OSBPL9: variants seen among roughly 807,000 people sequenced by gnomAD.
OSBPL9 encodes the protein oxysterol-binding protein-related protein 9.
In OSBPL9, 40 loss-of-function variants were observed where a neutral mutation model predicts 106.6. That is an observed-to-expected ratio of 0.38 (90% CI 0.29 to 0.49). The LOEUF (loss-of-function observed/expected upper bound fraction) is 0.49. OSBPL9 is among the 20% of genes least tolerant of loss of function. The pLI, the probability that OSBPL9 is intolerant of heterozygous loss-of-function variation, is 0.97. For synonymous variants in OSBPL9, 269 were observed against 295.4 expected, an observed-to-expected ratio of 0.91 and a Z score of 0.92; for missense variants, 609 against 887.2, an observed-to-expected ratio of 0.69 and a Z score of 3.98.
At chr1:51,616,263 G>A (rs759716424), upstream of OSBPL9, among the ~76,000 whole-genome samples, 6 of 152,048 alleles carry the variant, frequency 3.9e-5, no homozygotes, top group Non-Finnish European at 7.3e-5. Flanking sequence ...GGGATAACAG[G>A]TGCGAGCCAC....
Position 51,729,813 on chromosome 1 carries a change from G to T in OSBPL9, c.319-15723G>T. 5 of 1,230,676 alleles carry T rather than the reference G, an allele frequency of 4.1e-6. No homozygotes were observed. The highest frequency in any genetic ancestry group is 5.1e-6 in the Non-Finnish European group (5 of 983,732). 76.2% of individuals were successfully genotyped at this position (1,230,676 alleles called of 1,614,324 possible). A position where few individuals can be genotyped will look rare whatever the true frequency, so the allele number is the denominator to read the frequency against. ...GGAGGGGACGGGAAAGGGGTGGGGG[G>T]TGAAGGGGGTGAAGGGGGTGTCCCG... On this transcript the variant is annotated intron_variant, in intron 4 of 23. Transcript: ENST00000428468. The surrounding 1 kb of genome is among the most constrained non-coding windows in gnomAD (Gnocchi z 5.1).
chr1:51,728,535 T>C (rs1207282668), intron 4 of OSBPL9, among the ~76,000 whole-genome samples: 1 of 152,186 alleles, frequency 6.6e-6, no homozygotes, highest in Non-Finnish European at 1.5e-5. Flanking sequence ...CAGTTTCATT[T>C]ACTGAGACAG....
intron 2 of OSBPL9, among the ~76,000 whole-genome samples, chr1:51,608,134 G>A (rs1386136663): frequency 1.3e-5 from 2 of 152,066 alleles, no homozygotes; most frequent in Non-Finnish European, 2.9e-5. Context: ...TCATATACAA[G>A]TTAAACTCCA....
chr1:51,697,720 A>G (rs1656365339), intron 3 of OSBPL9, among the ~76,000 whole-genome samples: 1 of 151,212 alleles, frequency 6.6e-6, no homozygotes, highest in Non-Finnish European at 1.5e-5. Flanking sequence ...ATTCTTATTC[A>G]AATGTGTATA....
chr1:51,724,251 C>T (rs1662687712), intron 4 of OSBPL9, among the ~76,000 whole-genome samples: 1 of 151,986 alleles, frequency 6.6e-6, no homozygotes, highest in South Asian at 2.1e-4. Context: ...TGATCTCTCT[C>T]AGTACTTTAA....
At chr1:51,575,904 C>CAA (rs1309517657), upstream of OSBPL9, among the ~76,000 whole-genome samples, 2 of 152,186 alleles carry the variant, frequency 1.3e-5, no homozygotes, top group Non-Finnish European at 2.9e-5. Context: ...TCTATATAAA[C>CAA]AAACTTTGTT....
chr1:51,718,794 A>G (rs1661535920), intron 4 of OSBPL9, among the ~76,000 whole-genome samples: 1 of 152,198 alleles, frequency 6.6e-6, no homozygotes, highest in Non-Finnish European at 1.5e-5. Context: ...TCCCTTCTTC[A>G]TAAATGAAGG....
At chr1:51,720,792 A>ATTTTTTT (rs34137715) in intron 4 of OSBPL9, among the ~76,000 whole-genome samples, 8 of 101,134 alleles carry the variant, frequency 7.9e-5, no homozygotes, top group African/African-American at 1.2e-4. Context: ...TCAAATTGGA[A>ATTTTTTT]TTTTTTTTTT....
intron 12 of OSBPL9, 150 bp downstream of exon 12, chr1:51,766,131 T>C: frequency 1.2e-6 from 1 of 822,098 alleles, no homozygotes; most frequent in Middle Eastern, 3.5e-4. Flanking sequence ...GAAGTTTTTT[T>C]ATTGATGTAT....
At chr1:51,768,540 T>TA (rs1673139666) in intron 12 of OSBPL9, among the ~76,000 whole-genome samples, 1 of 152,244 alleles carries the variant, frequency 6.6e-6, no homozygotes, top group Admixed American at 6.5e-5. Context: ...GCTATTGTTC[T>TA]AAAAAAGTGC....
Position 51,782,601 on chromosome 1 carries a change from A to G in OSBPL9, c.1471A>G (p.Ser491Gly). Reference sequence around the variant, plus strand: ...ACCAGTTCCCTGGGTTTCCAAAAACAGTGTAACATTTGTGGCTGAGCAGGT... The same window carrying G: ...ACCAGTTCCCTGGGTTTCCAAAAACGGTGTAACATTTGTGGCTGAGCAGGT... ...EGPVPWVSKNSVTFVAEQVSH... is the reference protein window; with the variant it reads ...EGPVPWVSKNGVTFVAEQVSH... Residue 491 changes from serine (S) to glycine (G), a missense_variant, in exon 17 of 24, where the codon AGT becomes GGT. This residue lies in a region of OSBPL9 where 356 missense variants were observed against 505.8 expected (regional missense o/e 0.70). Transcript: ENST00000428468. The G allele has an allele frequency of 6.2e-7, 1 of 1,614,114 alleles. No homozygotes were observed. Among genetic ancestry groups the G allele is most frequent in the Non-Finnish European group, 8.5e-7 (1 of 1,179,972 alleles).
rs528825519 is a variant in OSBPL9, at chr1:51,729,883, G to A, written c.319-15653G>A. 4.8e-6 allele frequency: 6 copies of A among 1,259,324 alleles called. No homozygotes were observed. The highest frequency in any genetic ancestry group is 2.4e-4 in the Middle Eastern group (1 of 4,120). The allele number at this position is 1,259,324 out of a possible 1,614,324, so 78.0% of individuals were successfully genotyped here. A position where few individuals can be genotyped will look rare whatever the true frequency, so the allele number is the denominator to read the frequency against. ...GTCAGGACCGCCTGCACCGCAGTCC[G>A]GGGATCGGGTCGAGGGGAGAAGAAA... On this transcript the variant is annotated intron_variant, in intron 4 of 23. Transcript: ENST00000428468. The surrounding 1 kb of genome is among the most constrained non-coding windows in gnomAD (Gnocchi z 5.1).
intron 3 of OSBPL9, among the ~76,000 whole-genome samples, chr1:51,698,650 A>G (rs1201591461): frequency 6.6e-6 from 1 of 152,216 alleles, no homozygotes; most frequent in Non-Finnish European, 1.5e-5. Flanking sequence ...AAGAAAGTCT[A>G]GAGATAAGCT....
chr1:51,523,960 A>T, the OSBPL9 span, among the ~76,000 whole-genome samples: 3 of 152,230 alleles, frequency 2.0e-5, no homozygotes, highest in East Asian at 3.8e-4. Flanking sequence ...GAACTCTCTG[A>T]ATACACAAAG....
chr1:51,554,057 A>G, the OSBPL9 span, among the ~76,000 whole-genome samples: 2 of 152,216 alleles, frequency 1.3e-5, no homozygotes, highest in Non-Finnish European at 2.9e-5. Context: ...TCGAGAGGCT[A>G]AGGTGGGAGG....
the OSBPL9 span, chr1:51,561,523 G>A: frequency 6.6e-6 from 1 of 152,142 alleles, no homozygotes; most frequent in Non-Finnish European, 1.5e-5. Flanking sequence ...CAGAAAAAAT[G>A]TAGAAAATGC....
At position 51,772,624 on chromosome 1, in the gene OSBPL9, T is replaced by C. The variant is rs377066964; in HGVS notation, c.1071T>C (p.Asp357=). ...TTTTAGACCTGTTTGATTCACATGA[T>C]GACAGAGATGATGATGCGGAGGCAG... ...TSDADLFDSH[D]DRDDDAEAGS... The change falls in exon 14 of 24, where the codon GAT becomes GAC. Residue 357 remains aspartate (D), a synonymous_variant. Coordinates refer to ENST00000428468, the MANE Select transcript of OSBPL9 (RefSeq NM_024586.6). The C allele has an allele frequency of 3.7e-6, 6 of 1,614,046 alleles. No homozygotes were observed. The South Asian group carries it at 4.4e-5, about 12-fold the overall frequency.
At chr1:51,658,281 A>G (rs553827901) in intron 2 of OSBPL9, among the ~76,000 whole-genome samples, 2 of 152,228 alleles carry the variant, frequency 1.3e-5, no homozygotes, top group African/African-American at 4.8e-5. Context: ...ATTTACTCAT[A>G]GTGTTGTGAG....
chr1:51,596,807 A>G (rs1278453823), intron 1 of OSBPL9, among the ~76,000 whole-genome samples: 3 of 152,082 alleles, frequency 2.0e-5, no homozygotes, highest in Admixed American at 1.3e-4. Context: ...TCCAATATCT[A>G]TTTATTAAGG....
Sources: allele counts gnomAD v4.1 joint callset (sites outside exome capture counted in the v4.1 genomes callset), GRCh38; gene constraint gnomAD v4.1.1; regional missense constraint gnomAD v4.1.1; non-coding constraint Gnocchi (gnomAD v3.1); transcripts MANE v1.5; gene names NCBI Gene and HGNC (gene_info 2026-07-23, HGNC 2026-07-21).